The following MARCHF11 variants were observed in gnomAD, a reference collection of about 807,000 sequenced individuals.
MARCHF11 encodes the protein E3 ubiquitin-protein ligase MARCHF11.
MARCHF11 carries 29 observed loss-of-function variants against 37.3 expected under a neutral mutation model. That is an observed-to-expected ratio of 0.78 (90% CI 0.58 to 1.06). The LOEUF (loss-of-function observed/expected upper bound fraction) is 1.06, where lower values mean the gene tolerates loss of function less well. MARCHF11 is among the 50% of genes least tolerant of loss of function. MARCHF11 has a pLI of 0.00. For synonymous variants in MARCHF11, 233 were observed against 228.0 expected (o/e 1.02, Z -0.20); for missense variants, 482 against 533.4 (o/e 0.90, Z 0.95).
At chr5:16,108,395 G>A (rs924185483) in intron 2 of MARCHF11, among the ~76,000 whole-genome samples, 4 of 152,340 alleles carry the variant, frequency 2.6e-5, no homozygotes, top group South Asian at 2.1e-4. Context: ...GAACTCTCCC[G>A]TTTCAAAGGT....
intron 2 of MARCHF11, among the ~76,000 whole-genome samples, chr5:16,155,516 C>T (rs187922531): frequency 1.1e-3 from 162 of 151,278 alleles, no homozygotes; most frequent in African/African-American, 3.6e-3. Flanking sequence ...TTATATTTAC[C>T]CCCAACTCCC....
intron 2 of MARCHF11, among the ~76,000 whole-genome samples, chr5:16,156,200 T>A (rs184167085): frequency 6.7e-4 from 102 of 152,048 alleles, no homozygotes; most frequent in African/African-American, 2.4e-3. Context: ...GATCACTTTG[T>A]TGACCCTGCT....
intron 2 of MARCHF11, among the ~76,000 whole-genome samples, chr5:16,102,092 C>T (rs1446031): frequency 0.44 from 66,507 of 152,032 alleles, 16,191 homozygotes; most frequent in African/African-American, 0.61. Context: ...TATCTTAGAA[C>T]AATTGTATGT....
chr5:16,170,173 C>T (rs1427210758), intron 2 of MARCHF11, among the ~76,000 whole-genome samples: 1 of 152,116 alleles, frequency 6.6e-6, no homozygotes, highest in East Asian at 1.9e-4. Context: ...ACGCTCTTAG[C>T]AGCTCATCTA....
intron 2 of MARCHF11, among the ~76,000 whole-genome samples, chr5:16,164,933 T>C (rs758260706): frequency 1.3e-5 from 2 of 152,018 alleles, no homozygotes; most frequent in Non-Finnish European, 2.9e-5. Context: ...CTATTATTAT[T>C]ACTATGTTAT....
intron 3 of MARCHF11, among the ~76,000 whole-genome samples, chr5:16,086,483 T>C (rs576346851): frequency 7.8e-4 from 119 of 152,220 alleles, no homozygotes; most frequent in Non-Finnish European, 1.4e-3. Context: ...TTAAGTGTTA[T>C]AAACATAATC....
At chr5:16,117,507 T>C (rs1359333474) in intron 2 of MARCHF11, among the ~76,000 whole-genome samples, 1 of 152,192 alleles carries the variant, frequency 6.6e-6, no homozygotes, top group Non-Finnish European at 1.5e-5. Flanking sequence ...TAGGTAATGA[T>C]TTGCAAAGCA....
intron 2 of MARCHF11, among the ~76,000 whole-genome samples, chr5:16,169,590 T>A (rs2126609233): frequency 6.6e-6 from 1 of 152,268 alleles, no homozygotes; most frequent in Non-Finnish European, 1.5e-5. Context: ...TCCTGTCATG[T>A]CTTATCATAT....
intron 2 of MARCHF11, among the ~76,000 whole-genome samples, chr5:16,152,316 G>A (rs1202199265): frequency 6.6e-6 from 1 of 151,826 alleles, no homozygotes; most frequent in East Asian, 1.9e-4. Context: ...CCAAGTTTCT[G>A]GGACAAGCAA....
intron 2 of MARCHF11, among the ~76,000 whole-genome samples, chr5:16,095,145 G>A (rs150685210): frequency 8.6e-4 from 131 of 152,200 alleles, no homozygotes; most frequent in Non-Finnish European, 1.6e-3. Flanking sequence ...TGCCTCTGCA[G>A]TGCCATGACA....
At chr5:16,083,938 G>T (rs546848703) in intron 3 of MARCHF11, among the ~76,000 whole-genome samples, 1 of 152,262 alleles carries the variant, frequency 6.6e-6, no homozygotes, top group Admixed American at 6.5e-5. Context: ...TTCTATGTGG[G>T]AAACTTATTT....
intron 2 of MARCHF11, among the ~76,000 whole-genome samples, chr5:16,172,358 T>A (rs1345771472): frequency 1.3e-5 from 2 of 152,326 alleles, no homozygotes; most frequent in Admixed American, 1.3e-4. Context: ...CATTTTTAGT[T>A]ACCTACAAAA....
intron 2 of MARCHF11, among the ~76,000 whole-genome samples, chr5:16,155,227 T>C (rs1397752774): frequency 6.6e-6 from 1 of 151,758 alleles, no homozygotes; most frequent in East Asian, 1.9e-4. Flanking sequence ...TCTCATTTGG[T>C]GGAAAAGAAA....
chr5:16,173,005 C>A (rs1322896108), intron 2 of MARCHF11, among the ~76,000 whole-genome samples: 1 of 152,122 alleles, frequency 6.6e-6, no homozygotes, highest in Non-Finnish European at 1.5e-5. Context: ...ATTCTTACTG[C>A]TATAAGAAGA....
chr5:16,102,794 G>A (rs140397584), intron 2 of MARCHF11, among the ~76,000 whole-genome samples: 178 of 152,278 alleles, frequency 1.2e-3, no homozygotes, highest in African/African-American at 4.1e-3. Flanking sequence ...AATGGTTGCT[G>A]TGGGCCAGTT....
intron 2 of MARCHF11, among the ~76,000 whole-genome samples, chr5:16,162,601 G>C (rs964444971): frequency 4.0e-5 from 6 of 151,786 alleles, no homozygotes; most frequent in Non-Finnish European, 1.5e-5. Flanking sequence ...CTTATGATTA[G>C]TTCTTTTACT....
At position 16,142,584 on chromosome 5, in the gene MARCHF11, T is replaced by C. The variant is rs189290546; in HGVS notation, c.693+35142A>G. ...GAGTATGGTGAGCTGTACAGTCTTG[T>C]GAACTAGGGGACTCGCACATTTCTG... On this transcript the variant is annotated intron_variant, in intron 2 of 3. Transcript: ENST00000332432. Among the ~76,000 whole-genome samples the C allele has an allele frequency of 4.0e-3, 603 of 152,194 alleles. 8 individuals carry two copies. Among genetic ancestry groups the C allele is most frequent in the African/African-American group, 0.013 (554 of 41,518 alleles).
At chr5:16,143,597 C>A (rs2126593388) in intron 2 of MARCHF11, among the ~76,000 whole-genome samples, 1 of 152,390 alleles carries the variant, frequency 6.6e-6, no homozygotes, top group African/African-American at 2.4e-5. Flanking sequence ...GAGACCTGTC[C>A]TAAGCAAGGG....
chr5:16,091,131 A>C, intron 2 of MARCHF11, 50 bp from the exon 3 acceptor site: 5 of 1,237,134 alleles, frequency 4.0e-6, no homozygotes, highest in Non-Finnish European at 5.1e-6. Flanking sequence ...ATAATTAAAA[A>C]AGAAAAAAAA....
Sources: allele counts gnomAD v4.1 joint callset (sites outside exome capture counted in the v4.1 genomes callset), GRCh38; gene constraint gnomAD v4.1.1; transcripts MANE v1.5; gene names NCBI Gene and HGNC (gene_info 2026-07-23, HGNC 2026-07-21).